The following N4BP1 variants were observed in gnomAD, a reference collection of about 807,000 sequenced individuals.
N4BP1 encodes NEDD4-binding protein 1.
N4BP1 carries 21 observed loss-of-function variants against 70.9 expected under a neutral mutation model. That is an observed-to-expected ratio of 0.30 (90% confidence interval 0.21 to 0.43). The LOEUF is 0.43. Among genes scored for constraint, N4BP1 ranks in the 20% least tolerant of loss-of-function variants. The pLI is 1.00. For synonymous variants in N4BP1, 387 were observed against 394.6 expected (o/e 0.98, Z 0.23); for missense variants, 936 against 1,069.4 (o/e 0.88, Z 1.74).
intron 3 of N4BP1, among the ~76,000 whole-genome samples, chr16:48,553,172 T>C (rs1486411): frequency 0.39 from 59,274 of 152,086 alleles, 12,247 homozygotes; most frequent in African/African-American, 0.52. Flanking sequence ...AAATAGACTG[T>C]TAAAAAGACG....
chr16:48,590,174 A>G (rs1964313187), intron 1 of N4BP1, among the ~76,000 whole-genome samples: 1 of 152,158 alleles, frequency 6.6e-6, no homozygotes, highest in East Asian at 1.9e-4. Context: ...GACACCACCC[A>G]GATCCATATT....
intron 1 of N4BP1, chr16:48,577,586 C>T (rs994751528): frequency 6.6e-5 from 14 of 213,074 alleles, no homozygotes; most frequent in Non-Finnish European, 1.2e-4. Context: ...TGGGTCTTGA[C>T]GAGGTGGTCA....
At chr16:48,565,790 A>C (rs532008494) in intron 1 of N4BP1, among the ~76,000 whole-genome samples, 1 of 152,344 alleles carries the variant, frequency 6.6e-6, no homozygotes, top group South Asian at 2.1e-4. Flanking sequence ...AAAAATTATC[A>C]ATTCGATTTC....
Position 48,560,858 on chromosome 16 carries a change from C to G in N4BP1, c.1785G>C (p.Arg595Ser). The change falls in exon 2 of 7, where the codon AGG becomes AGC. Residue 595 changes from arginine (R) to serine (S), a missense_variant. Arg to Ser is a moderately radical substitution (Grantham distance 110, BLOSUM62 -1). Around this residue, in one of 4 missense-constraint regions of N4BP1, gnomAD observed 515 missense variants for 491.7 expected, o/e 1.05. Coordinates refer to ENST00000262384, the MANE Select transcript of N4BP1 (RefSeq NM_153029.4). Reference protein sequence around the residue: ...HIDSSVTGVQRFRDTLKIPYK... With the variant: ...HIDSSVTGVQSFRDTLKIPYK... ...AGGGTATTTTTAGAGTATCTCGAAACCTTTGAACCCCAGTAACTGAGGAAT... is the reference window on the plus strand; with the variant it reads ...AGGGTATTTTTAGAGTATCTCGAAAGCTTTGAACCCCAGTAACTGAGGAAT... 6.2e-7 allele frequency: 1 copy of G among 1,613,920 alleles called. No homozygotes were observed. Among genetic ancestry groups the G allele is most frequent in the Non-Finnish European group, 8.5e-7 (1 of 1,179,850 alleles).
chr16:48,606,974 T>A (rs957642408), intron 1 of N4BP1, among the ~76,000 whole-genome samples: 1 of 152,156 alleles, frequency 6.6e-6, no homozygotes, highest in Non-Finnish European at 1.5e-5. Flanking sequence ...AAATAATGGT[T>A]TTCTCCTCCT....
Position 48,551,437 on chromosome 16 carries a change from A to G in N4BP1, c.2066T>C (p.Leu689Ser). ...TCCAAAGACCATCCGGGCAGGAGTT[A>G]AAGATAATATTCCGAGCTCCTGGAG... ...TQLQELGILS[L>S]TPARMVFGER... Residue 689 changes from leucine to serine, a missense_variant, in exon 4 of 7, where the codon TTA becomes TCA. This residue lies in a region of N4BP1 where 229 missense variants were observed against 343.5 expected (regional missense o/e 0.67). Coordinates refer to ENST00000262384, the MANE Select transcript of N4BP1 (RefSeq NM_153029.4). 1 of 1,613,660 alleles carries G rather than the reference A, an allele frequency of 6.2e-7. No individual in the cohort carries two copies. The highest frequency in any genetic ancestry group is 8.5e-7 in the Non-Finnish European group (1 of 1,179,622).
chr16:48,602,080 T>C (rs1964510149), intron 1 of N4BP1, among the ~76,000 whole-genome samples: 1 of 152,062 alleles, frequency 6.6e-6, no homozygotes, highest in Non-Finnish European at 1.5e-5. Flanking sequence ...AAAAATTAGC[T>C]GGGCATGGTG....
intron 1 of N4BP1, among the ~76,000 whole-genome samples, chr16:48,567,355 C>T (rs568467251): frequency 1.3e-5 from 2 of 152,220 alleles, no homozygotes; most frequent in South Asian, 4.1e-4. Flanking sequence ...TGCTCTGTTG[C>T]CCAGGCTTGA....
intron 1 of N4BP1, among the ~76,000 whole-genome samples, chr16:48,604,611 A>AAC (rs1273303879): frequency 7.0e-6 from 1 of 143,850 alleles, no homozygotes; most frequent in East Asian, 1.9e-4. Context: ...GTAAAAAAAA[A>AAC]AACAAAAACA....
At chr16:48,593,096 C>T (rs1400839540) in intron 1 of N4BP1, among the ~76,000 whole-genome samples, 1 of 152,126 alleles carries the variant, frequency 6.6e-6, no homozygotes, top group Admixed American at 6.5e-5. Flanking sequence ...CATAAACTGC[C>T]ACTATGACTT....
At chr16:48,575,816 C>T (rs1964084633) in intron 1 of N4BP1, among the ~76,000 whole-genome samples, 1 of 152,152 alleles carries the variant, frequency 6.6e-6, no homozygotes, top group African/African-American at 2.4e-5. Flanking sequence ...GGTTAAAAAC[C>T]ACAGCAGCCC....
intron 1 of N4BP1, among the ~76,000 whole-genome samples, chr16:48,585,916 C>G (rs3848320): frequency 0.39 from 58,549 of 151,722 alleles, 11,837 homozygotes; most frequent in African/African-American, 0.5. Flanking sequence ...GGCTGGTCTC[C>G]AACTCCTGAT....
At chr16:48,581,742 T>C (rs1249789998) in intron 1 of N4BP1, among the ~76,000 whole-genome samples, 1 of 152,110 alleles carries the variant, frequency 6.6e-6, no homozygotes, top group African/African-American at 2.4e-5. Context: ...GGGAAAAGTA[T>C]ACAACCACAT....
At chr16:48,593,144 G>A (rs1964360633) in intron 1 of N4BP1, among the ~76,000 whole-genome samples, 1 of 152,224 alleles carries the variant, frequency 6.6e-6, no homozygotes, top group Non-Finnish European at 1.5e-5. Context: ...AAGGCCTGGG[G>A]ACATGTGGAG....
intron 1 of N4BP1, among the ~76,000 whole-genome samples, chr16:48,584,141 G>A (rs953802596): frequency 6.6e-6 from 1 of 152,192 alleles, no homozygotes; most frequent in Non-Finnish European, 1.5e-5. Flanking sequence ...GCTGATAACT[G>A]ATCTTGGCTA....
intron 1 of N4BP1, among the ~76,000 whole-genome samples, chr16:48,570,101 C>G (rs543700067): frequency 6.7e-6 from 1 of 148,466 alleles, no homozygotes; most frequent in African/African-American, 2.5e-5. Flanking sequence ...TTCCTGCAAG[C>G]TTCGATTGCC....
At chr16:48,607,244 C>A (rs1247958700) in intron 1 of N4BP1, among the ~76,000 whole-genome samples, 1 of 152,194 alleles carries the variant, frequency 6.6e-6, no homozygotes, top group African/African-American at 2.4e-5. Flanking sequence ...TTGGGCAGGT[C>A]TGGCAGGACC....
At chr16:48,604,436 C>T (rs116891271) in intron 1 of N4BP1, among the ~76,000 whole-genome samples, 4,292 of 151,960 alleles carry the variant, frequency 0.028, 69 homozygotes, top group Non-Finnish European at 0.044. Context: ...GCCTGTAGTC[C>T]CAGCTACTCA....
intron 4 of N4BP1, among the ~76,000 whole-genome samples, chr16:48,550,895 G>A (rs1046036450): frequency 2.6e-5 from 4 of 151,578 alleles, no homozygotes; most frequent in South Asian, 2.1e-4. Flanking sequence ...TCCAGTCTGC[G>A]TTGACAGAGT....
Sources: allele counts gnomAD v4.1 joint callset (sites outside exome capture counted in the v4.1 genomes callset), GRCh38; gene constraint gnomAD v4.1.1; regional missense constraint gnomAD v4.1.1; transcripts MANE v1.5; gene names NCBI Gene and HGNC (gene_info 2026-07-23, HGNC 2026-07-21).